The following NT5DC3 variants were observed in gnomAD, a reference collection of about 807,000 sequenced individuals.
The protein encoded by NT5DC3 is 5'-nucleotidase domain containing 3, also known as 5'-nucleotidase domain-containing protein 3.
Under a neutral mutation model 67.8 loss-of-function variants are expected in NT5DC3, and 42 were observed. The ratio of observed to expected loss-of-function variants is 0.62; its 90% CI spans 0.48 to 0.80. NT5DC3 has a LOEUF of 0.80. Ranked by LOEUF, NT5DC3 falls within the 30% of genes least tolerant of loss-of-function variation. The pLI is 0.00. For missense variants in NT5DC3, 570 were observed against 696.4 expected (o/e 0.82, Z 2.04); for synonymous variants, 237 against 255.6 (o/e 0.93, Z 0.69).
At chr12:103,806,764 T>C in intron 3 of NT5DC3, 91 bp downstream of exon 3, 2 of 806,244 alleles carry the variant, frequency 2.5e-6, no homozygotes, top group East Asian at 2.5e-5. Flanking sequence ...AATTTAAAAC[T>C]AATTTGCCCG....
chr12:103,760,103 T>C, the NT5DC3 span, among the ~76,000 whole-genome samples: 3 of 152,202 alleles, frequency 2.0e-5, no homozygotes, highest in Admixed American at 1.3e-4. Flanking sequence ...CCAGTAAGGA[T>C]GTTCTTCTCT....
intron 6 of NT5DC3, among the ~76,000 whole-genome samples, chr12:103,795,916 T>C (rs1290711325): frequency 1.3e-5 from 2 of 152,234 alleles, no homozygotes; most frequent in Non-Finnish European, 2.9e-5. Flanking sequence ...TCAATTTTTT[T>C]CCTTGTCAAA....
chr12:103,761,496 C>T, the NT5DC3 span: 3 of 1,203,326 alleles, frequency 2.5e-6, no homozygotes, highest in South Asian at 3.8e-5. Context: ...GAAGCCCTGT[C>T]CTCCTCCCTC....
At chr12:103,829,647 C>A (rs896282524) in intron 1 of NT5DC3, among the ~76,000 whole-genome samples, 2 of 152,148 alleles carry the variant, frequency 1.3e-5, no homozygotes, top group African/African-American at 4.8e-5. Flanking sequence ...TCCCCCATCA[C>A]ATTCTATGCT....
At chr12:103,768,963 C>T (rs912148928), downstream of NT5DC3, 1 of 152,094 alleles carries the variant, frequency 6.6e-6, no homozygotes, top group Admixed American at 6.5e-5. Context: ...AGTGTCTTCC[C>T]ACGCTGCCCT....
chr12:103,758,982 G>A, the NT5DC3 span: 2 of 1,312,480 alleles, frequency 1.5e-6, no homozygotes, highest in South Asian at 1.3e-5. Context: ...ACAACCAGAA[G>A]CCTAAGAAAA....
At chr12:103,757,766 G>C in the NT5DC3 span, among the ~76,000 whole-genome samples, 1 of 152,240 alleles carries the variant, frequency 6.6e-6, no homozygotes, top group African/African-American at 2.4e-5. Flanking sequence ...GTGAGCAAGA[G>C]AGGACAAGCT....
chr12:103,755,765 C>T, the NT5DC3 span: 3 of 1,596,604 alleles, frequency 1.9e-6, no homozygotes, highest in Admixed American at 1.7e-5. Context: ...GAGGGGTTGC[C>T]TCAAAGCAGG....
Position 103,814,964 on chromosome 12 carries a change from T to C in NT5DC3, c.366A>G (p.Ala122=). The C allele has an allele frequency of 2.5e-6, 4 of 1,612,524 alleles. No homozygotes were observed. Among genetic ancestry groups the C allele is most frequent in the Non-Finnish European group, 3.4e-6 (4 of 1,179,248 alleles). Residue 122 remains alanine (A), a synonymous_variant, in exon 2 of 14, where the codon GCA becomes GCG. Coordinates refer to ENST00000392876, the MANE Select transcript of NT5DC3 (RefSeq NM_001031701.3). The part of the protein sequence containing the change: ...KHLHTLIFNA[A]RDLLINEHRY... The stretch of plus-strand genomic sequence containing the variant: ...GGTGTTCATTGATGAGAAGGTCCCG[T>C]GCAGCATTAAATATCAGCGTGTGGA...
chr12:103,835,369 C>T (rs531289031), intron 1 of NT5DC3, among the ~76,000 whole-genome samples: 2 of 152,188 alleles, frequency 1.3e-5, no homozygotes, highest in African/African-American at 2.4e-5. Context: ...GTGCTGTGGG[C>T]ATGAAGAGAA....
At chr12:103,817,703 G>T (rs1165047623) in intron 1 of NT5DC3, among the ~76,000 whole-genome samples, 1 of 152,144 alleles carries the variant, frequency 6.6e-6, no homozygotes, top group African/African-American at 2.4e-5. Context: ...ATTTGCTAAG[G>T]ATACACCAGC....
At chr12:103,750,430 C>T in the NT5DC3 span, 27 of 906,354 alleles carry the variant, frequency 3.0e-5, no homozygotes, top group African/African-American at 5.0e-5. Flanking sequence ...AAAAGCAGGA[C>T]GTAGCAGTTA....
the NT5DC3 span, among the ~76,000 whole-genome samples, chr12:103,748,184 G>C: frequency 1.3e-5 from 2 of 152,136 alleles, no homozygotes; most frequent in Admixed American, 1.3e-4. Flanking sequence ...AGGCATTCCA[G>C]AAGTGAGTCA....
intron 4 of NT5DC3, among the ~76,000 whole-genome samples, chr12:103,801,372 C>CTTTT (rs869237844): frequency 3.2e-4 from 25 of 78,942 alleles, no homozygotes; most frequent in African/African-American, 8.7e-4. Flanking sequence ...TTGGGGTGGG[C>CTTTT]TTTTTTTTTT....
chr12:103,756,816 T>C, the NT5DC3 span, among the ~76,000 whole-genome samples: 1 of 151,934 alleles, frequency 6.6e-6, no homozygotes, highest in African/African-American at 2.4e-5. Flanking sequence ...GATATCCATC[T>C]CACTGGTGTA....
the NT5DC3 span, among the ~76,000 whole-genome samples, chr12:103,752,253 G>C: frequency 6.6e-6 from 1 of 152,066 alleles, no homozygotes; most frequent in African/African-American, 2.4e-5. Context: ...TTCATTGTAA[G>C]GTATTTTGTT....
At chr12:103,747,817 A>G in the NT5DC3 span, among the ~76,000 whole-genome samples, 1 of 152,120 alleles carries the variant, frequency 6.6e-6, no homozygotes, top group African/African-American at 2.4e-5. Flanking sequence ...CAACATGGTG[A>G]AACCCCATCT....
In NT5DC3 at chr12:103,841,133, C is replaced by A; in HGVS notation, c.24G>T (p.Val8=). ...CCCTCGCCCCGGCCCCGCGTGCCAC[C>A]ACCGCCGCCGCTGCCATGGTCATGC... MTMAAAA[V]VARGAGARAA... The change falls in exon 1 of 14, where the codon GTG becomes GTT. Residue 8 remains valine, a synonymous_variant. Transcript: ENST00000392876. 1 of 879,066 alleles carries A rather than the reference C, an allele frequency of 1.1e-6. No individual in the cohort carries two copies. The highest frequency in any genetic ancestry group is 1.6e-6 in the Non-Finnish European group (1 of 645,092). The allele number at this position is 879,066 out of a possible 1,614,324, so 54.5% of individuals were successfully genotyped here. A position where few individuals can be genotyped will look rare whatever the true frequency, so the allele number is the denominator to read the frequency against.
At chr12:103,805,448 T>G (rs1237368599) in intron 4 of NT5DC3, among the ~76,000 whole-genome samples, 1 of 152,180 alleles carries the variant, frequency 6.6e-6, no homozygotes, top group Non-Finnish European at 1.5e-5. Context: ...GAATGTAAGC[T>G]AAGACATACT....
Sources: allele counts gnomAD v4.1 joint callset (sites outside exome capture counted in the v4.1 genomes callset), GRCh38; gene constraint gnomAD v4.1.1; transcripts MANE v1.5; gene names NCBI Gene and HGNC (gene_info 2026-07-23, HGNC 2026-07-21).